Variants in SCN4B observed in about 807,000 individuals in gnomAD.
SCN4B encodes the protein sodium voltage-gated channel beta subunit 4, also known as sodium channel regulatory subunit beta-4.
In SCN4B, 20 loss-of-function variants were observed where a neutral mutation model predicts 19.6. That is an observed-to-expected ratio of 1.02 (90% CI 0.72 to 1.48). SCN4B has a LOEUF of 1.48. SCN4B is among the 40% of genes most tolerant of loss of function. The pLI is 0.00. For synonymous variants in SCN4B, 127 were observed against 122.8 expected, an observed-to-expected ratio of 1.03 and a Z score of -0.22; for missense variants, 271 against 287.5, an observed-to-expected ratio of 0.94 and a Z score of 0.42.
At chr11:118,149,247 A>G (rs759878834) in intron 1 of SCN4B, among the ~76,000 whole-genome samples, 2 of 152,232 alleles carry the variant, frequency 1.3e-5, no homozygotes, top group Non-Finnish European at 2.9e-5. Flanking sequence ...TCCCACATCC[A>G]GGGATCACTC....
At position 118,137,064 on chromosome 11, in the gene SCN4B, C is replaced by A. The variant is rs1338912990; in HGVS notation, c.650G>T (p.Gly217Val). 6.2e-7 allele frequency: 1 copy of A among 1,614,092 alleles called. No homozygotes were observed. The highest frequency in any genetic ancestry group is 1.7e-5 in the Admixed American group (1 of 60,022). ...GNDNTENGLP[G>V]SKAEEKPPSK... Reference sequence around the variant, plus strand: ...AGGTGGTTTCTCCTCTGCCTTGGAGCCAGGCAAGCCGTTCTCCGTGTTGTC... The same window carrying A: ...AGGTGGTTTCTCCTCTGCCTTGGAGACAGGCAAGCCGTTCTCCGTGTTGTC... The change falls in exon 5 of 5, where the codon GGC becomes GTC. Residue 217 changes from glycine to valine, a missense_variant. Gly to Val is a moderately radical substitution (Grantham distance 109). Coordinates refer to ENST00000324727, the MANE Select transcript of SCN4B (RefSeq NM_174934.4).
At chr11:118,149,179 T>C (rs565787270) in intron 1 of SCN4B, among the ~76,000 whole-genome samples, 20 of 152,322 alleles carry the variant, frequency 1.3e-4, no homozygotes, top group African/African-American at 4.8e-4. Context: ...AGGAATCTTA[T>C]GGCAGCTACC....
chr11:118,137,564 G>T (rs537292465), intron 4 of SCN4B, among the ~76,000 whole-genome samples: 2 of 152,322 alleles, frequency 1.3e-5, no homozygotes, highest in Admixed American at 1.3e-4. Flanking sequence ...CCAGCTACTA[G>T]GGAGGCTGAG....
intron 1 of SCN4B, chr11:118,145,488 A>C (rs1591437098): frequency 7.9e-6 from 11 of 1,388,398 alleles, no homozygotes; most frequent in Non-Finnish European, 9.5e-6. Flanking sequence ...ACCAGGGGTC[A>C]CCCCAACCCA....
At chr11:118,146,167 C>T (rs562118787) in intron 1 of SCN4B, among the ~76,000 whole-genome samples, 15 of 152,286 alleles carry the variant, frequency 9.8e-5, no homozygotes, top group African/African-American at 3.6e-4. Context: ...CGAGCGCCCC[C>T]AGGCTTCTTT....
Position 118,135,906 on chromosome 11 carries a change from G to A in SCN4B, c.*1121C>T, listed in dbSNP as rs1175615478. ...CAGGGTGGGAGGGGGTGGCCCAGCT[G>A]AGCAGGAAGCAGCTGGGAAACCCAA... On this transcript the variant is annotated 3_prime_UTR_variant, in exon 5 of 5. Coordinates refer to ENST00000324727, the MANE Select transcript of SCN4B (RefSeq NM_174934.4). 5 of 454,302 alleles carry A rather than the reference G, an allele frequency of 1.1e-5. No homozygotes were observed. Among genetic ancestry groups the A allele is most frequent in the African/African-American group, 2.0e-5 (1 of 49,978 alleles). 28.1% of individuals were successfully genotyped at this position (454,302 alleles called of 1,614,324 possible).
rs1047192753 is a variant in SCN4B at position 118,137,108 on chromosome 11, G to A, written c.606C>T (p.Leu202=). The part of the protein sequence containing the change: ...KKTREKKKEC[L]VSSSGNDNTE... ...TGTTGTCATTCCCCGAGGAGCTCAC[G>A]AGACACTCCTTCCTGGAGAGGGAGA... The change falls in exon 5 of 5, where the codon CTC becomes CTT. Residue 202 remains leucine, a synonymous_variant. Coordinates refer to ENST00000324727, the MANE Select transcript of SCN4B (RefSeq NM_174934.4). The A allele has an allele frequency of 5.6e-6, 9 of 1,612,854 alleles. No homozygotes were observed. Among genetic ancestry groups the A allele is most frequent in the Admixed American group, 3.3e-5 (2 of 60,004 alleles).
chr11:118,134,999 T>C lies in SCN4B; in HGVS notation c.*2028A>G, dbSNP rs968989665. The C allele has an allele frequency of 2.6e-5, 12 of 453,952 alleles. No individual in the cohort carries two copies. Among genetic ancestry groups the C allele is most frequent in the African/African-American group, 2.4e-4 (12 of 49,986 alleles). The allele number at this position is 453,952 out of a possible 1,614,324, so 28.1% of individuals were successfully genotyped here. On this transcript the variant is annotated 3_prime_UTR_variant, in exon 5 of 5. Coordinates refer to ENST00000324727, the MANE Select transcript of SCN4B (RefSeq NM_174934.4). Reference sequence around the variant, plus strand: ...CCTTCTTCTCCCTACTCTACGTGCCTTGGCTTTCTCTTAAGACAGAAGGAG... The same window carrying C: ...CCTTCTTCTCCCTACTCTACGTGCCCTGGCTTTCTCTTAAGACAGAAGGAG...
At chr11:118,139,366 C>T (rs1177849132) in intron 4 of SCN4B, among the ~76,000 whole-genome samples, 2 of 152,150 alleles carry the variant, frequency 1.3e-5, no homozygotes, top group African/African-American at 4.8e-5. Flanking sequence ...GCCAGAAATC[C>T]TTCCCAGAAT....
intron 3 of SCN4B, chr11:118,143,020 C>T (rs988995851): frequency 2.6e-5 from 4 of 152,280 alleles, no homozygotes; most frequent in Admixed American, 2.6e-4. Flanking sequence ...GAGCAGCAAA[C>T]TCCCGGTACA....
At position 118,135,639 on chromosome 11, in the gene SCN4B, T is replaced by C. The variant is rs1385499748; in HGVS notation, c.*1388A>G. Reference sequence around the variant, plus strand: ...GCCGACATCTCCAAGATTCAGTCACTGGCCAATTCCAGCCTCATGGCCCCC... The same window carrying C: ...GCCGACATCTCCAAGATTCAGTCACCGGCCAATTCCAGCCTCATGGCCCCC... On this transcript the variant is annotated 3_prime_UTR_variant, in exon 5 of 5. Coordinates refer to ENST00000324727, the MANE Select transcript of SCN4B (RefSeq NM_174934.4). The C allele has an allele frequency of 4.4e-6, 2 of 454,122 alleles. No individual in the cohort carries two copies. Among genetic ancestry groups the C allele is most frequent in the Admixed American group, 2.4e-5 (1 of 42,548 alleles). 28.1% of individuals were successfully genotyped at this position (454,122 alleles called of 1,614,324 possible). A position where few individuals can be genotyped will look rare whatever the true frequency, so the allele number is the denominator to read the frequency against.
At chr11:118,144,105 A>T in intron 2 of SCN4B, 44 bp from the exon 3 acceptor site, 1 of 1,359,054 alleles carries the variant, frequency 7.4e-7, no homozygotes, top group Non-Finnish European at 1.1e-6. Context: ...GCCGAGAAAG[A>T]ATCGGGGTCC....
Position 118,136,010 on chromosome 11 carries a change from G to A in SCN4B, c.*1017C>T, listed in dbSNP as rs1947991666. ...CCAGGGCTGGGAAATGAACCACCCT[G>A]GGGGCAGGGCGTGATGGAGGGCACG... On this transcript the variant is annotated 3_prime_UTR_variant, in exon 5 of 5. Coordinates refer to ENST00000324727, the MANE Select transcript of SCN4B (RefSeq NM_174934.4). 3 of 447,008 alleles carry A rather than the reference G, an allele frequency of 6.7e-6. No individual in the cohort carries two copies. The highest frequency in any genetic ancestry group is 4.7e-5 in the South Asian group (3 of 63,716). The allele number at this position is 447,008 out of a possible 1,614,324, so 27.7% of individuals were successfully genotyped here.
At chr11:118,147,140 T>C (rs963624317) in intron 1 of SCN4B, among the ~76,000 whole-genome samples, 59 of 152,208 alleles carry the variant, frequency 3.9e-4, no homozygotes, top group African/African-American at 1.4e-3. Flanking sequence ...GACCACACTT[T>C]GAGAACCACG....
intron 4 of SCN4B, among the ~76,000 whole-genome samples, chr11:118,138,674 T>C (rs537429647): frequency 6.6e-6 from 1 of 152,274 alleles, no homozygotes; most frequent in South Asian, 2.1e-4. Context: ...CAAGTGATTG[T>C]GACACACTGT....
At position 118,135,823 on chromosome 11, in the gene SCN4B, A is replaced by C. The variant is rs1354874306; in HGVS notation, c.*1204T>G. The C allele has an allele frequency of 2.2e-6, 1 of 454,362 alleles. No homozygotes were observed. Among genetic ancestry groups the C allele is most frequent in the African/African-American group, 2.0e-5 (1 of 49,990 alleles). The allele number at this position is 454,362 out of a possible 1,614,324, so 28.1% of individuals were successfully genotyped here. The stretch of plus-strand genomic sequence containing the variant: ...CCCACACACAAGGGCTGTGCAAACC[A>C]GCTCTGGGAGAAGCAAAGGAAAACT... On this transcript the variant is annotated 3_prime_UTR_variant, in exon 5 of 5. Transcript: ENST00000324727.
intron 4 of SCN4B, among the ~76,000 whole-genome samples, chr11:118,137,586 G>A (rs1345708373): frequency 2.6e-5 from 4 of 152,186 alleles, no homozygotes; most frequent in Admixed American, 6.5e-5. Flanking sequence ...CAGGAGAATC[G>A]CTTGAACCTG....
Position 118,133,746 on chromosome 11 carries a change from C to T in SCN4B, c.*3281G>A, listed in dbSNP as rs1349997195. ...AGTTATAGGATTTTCCCGAGAAGTC[C>T]CCGCTCCTGGAACTCCCTACTGCCA... On this transcript the variant is annotated 3_prime_UTR_variant, in exon 5 of 5. Coordinates refer to ENST00000324727, the MANE Select transcript of SCN4B (RefSeq NM_174934.4). 1 of 454,396 alleles carries T rather than the reference C, an allele frequency of 2.2e-6. No individual in the cohort carries two copies. The highest frequency in any genetic ancestry group is 2.0e-5 in the African/African-American group (1 of 49,978). The allele number at this position is 454,396 out of a possible 1,614,324, so 28.1% of individuals were successfully genotyped here. A position where few individuals can be genotyped will look rare whatever the true frequency, so the allele number is the denominator to read the frequency against.
chr11:118,137,543 C>A (rs555276947), intron 4 of SCN4B, among the ~76,000 whole-genome samples: 4 of 152,236 alleles, frequency 2.6e-5, no homozygotes, highest in South Asian at 2.1e-4. Context: ...TGGTGGCAGG[C>A]GCCTATAGTC....
Sources: allele counts gnomAD v4.1 joint callset (sites outside exome capture counted in the v4.1 genomes callset), GRCh38; gene constraint gnomAD v4.1.1; transcripts MANE v1.5; gene names NCBI Gene and HGNC (gene_info 2026-07-23, HGNC 2026-07-21).